SUGCT: variants seen among roughly 807,000 people sequenced by gnomAD.
SUGCT encodes the protein succinyl-CoA:glutarate-CoA transferase.
A neutral mutation model predicts 55.0 loss-of-function variants in SUGCT; 41 were observed. The ratio of observed to expected loss-of-function variants is 0.74; its 90% CI spans 0.58 to 0.97. SUGCT has a LOEUF of 0.97. Among genes scored for constraint, SUGCT ranks in the 50% least tolerant of loss-of-function variants. The probability of loss-of-function intolerance (pLI) is 0.00; values close to 1 mark genes in which losing one functional copy is unlikely to be tolerated. For missense variants in SUGCT, 568 were observed against 547.8 expected (o/e 1.04, Z -0.37); for synonymous variants, 187 against 200.4 (o/e 0.93, Z 0.56).
chr7:40,999,760 T>C, the SUGCT span, among the ~76,000 whole-genome samples: 2 of 152,160 alleles, frequency 1.3e-5, no homozygotes, highest in African/African-American at 4.8e-5. Flanking sequence ...GACTTTTACC[T>C]TTCCAGAACA....
At chr7:40,941,963 T>A in the SUGCT span, among the ~76,000 whole-genome samples, 1 of 152,094 alleles carries the variant, frequency 6.6e-6, no homozygotes, top group East Asian at 1.9e-4. Context: ...AGTCTTTATG[T>A]GTTAGTGAGT....
chr7:40,422,350 A>G lies in SUGCT; in HGVS notation c.817-26937A>G, dbSNP rs552618616. Among the ~76,000 whole-genome samples, 5 of 152,258 alleles carry G rather than the reference A, an allele frequency of 3.3e-5. No homozygotes were observed. In the South Asian group the frequency reaches 6.2e-4, roughly 19 times the overall value. ...GGCAATCACTGCTAAAAGTTACCAT[A>G]TATATTATTTCATTTAATCCTATGG... On this transcript the variant is annotated intron_variant, in intron 9 of 13. Coordinates refer to ENST00000335693, the MANE Select transcript of SUGCT (RefSeq NM_001193313.2).
chr7:40,475,089 C>T (rs1279260362), intron 11 of SUGCT, among the ~76,000 whole-genome samples: 1 of 152,176 alleles, frequency 6.6e-6, no homozygotes, highest in African/African-American at 2.4e-5. Context: ...TACTAAATCA[C>T]CTTTTAAACA....
At chr7:40,137,741 C>G (rs1222834393) in intron 1 of SUGCT, among the ~76,000 whole-genome samples, 1 of 152,070 alleles carries the variant, frequency 6.6e-6, no homozygotes, top group Non-Finnish European at 1.5e-5. Context: ...AGTGCAGTGG[C>G]GCAATCCCAG....
chr7:40,276,646 A>AGTG (rs1189431400), intron 8 of SUGCT, among the ~76,000 whole-genome samples: 4 of 152,180 alleles, frequency 2.6e-5, no homozygotes, highest in African/African-American at 9.7e-5. Flanking sequence ...GCATCTAACT[A>AGTG]GTGGTTCACC....
chr7:40,274,464 CTTT>C (rs764604582), intron 7 of SUGCT, 46 bp from the exon 8 acceptor site: 23 of 1,578,772 alleles, frequency 1.5e-5, no homozygotes, highest in Middle Eastern at 1.7e-4. Flanking sequence ...TCATATGATT[CTTT>C]TAATGTTTAA....
At chr7:40,856,622 T>C (rs1209155600) in intron 13 of SUGCT, among the ~76,000 whole-genome samples, 3 of 152,170 alleles carry the variant, frequency 2.0e-5, no homozygotes, top group Admixed American at 2.0e-4. Flanking sequence ...TTATGGGCTG[T>C]AGGTTAGAAT....
At chr7:40,312,593 A>T (rs7802836) in intron 8 of SUGCT, among the ~76,000 whole-genome samples, 56,641 of 151,974 alleles carry the variant, frequency 0.37, 10,797 homozygotes, top group East Asian at 0.48. Flanking sequence ...TCTAGCTTTG[A>T]CATCTTACAA....
At chr7:40,445,360 C>G (rs924689529) in intron 9 of SUGCT, among the ~76,000 whole-genome samples, 3 of 152,130 alleles carry the variant, frequency 2.0e-5, no homozygotes, top group African/African-American at 4.8e-5. Context: ...TCAGAGAATA[C>G]TATAAACACC....
chr7:40,823,928 C>T (rs73689856), intron 13 of SUGCT, among the ~76,000 whole-genome samples: 1,775 of 152,132 alleles, frequency 0.012, 27 homozygotes, highest in African/African-American at 0.04. Flanking sequence ...TAATAGCTAA[C>T]GTTTAATGAT....
At chr7:40,164,281 C>T (rs1784319974) in intron 1 of SUGCT, among the ~76,000 whole-genome samples, 2 of 152,262 alleles carry the variant, frequency 1.3e-5, no homozygotes, top group South Asian at 2.1e-4. Flanking sequence ...GCACCTTCCA[C>T]CATGCCCAGC....
chr7:40,172,766 A>G (rs1784736855), intron 1 of SUGCT, among the ~76,000 whole-genome samples: 1 of 152,112 alleles, frequency 6.6e-6, no homozygotes, highest in South Asian at 2.1e-4. Flanking sequence ...TGAAAGCAGA[A>G]GCTGGTTCCA....
intron 12 of SUGCT, among the ~76,000 whole-genome samples, chr7:40,510,506 GT>G (rs1792865636): frequency 1.3e-5 from 2 of 151,954 alleles, no homozygotes; most frequent in South Asian, 4.1e-4. Flanking sequence ...AAGAAATCTT[GT>G]TTTTTGGTAT....
chr7:40,879,689 T>G, the SUGCT span, among the ~76,000 whole-genome samples: 1 of 152,202 alleles, frequency 6.6e-6, no homozygotes, highest in Admixed American at 6.5e-5. Flanking sequence ...TTTATTGTGG[T>G]AAAAAATGAC....
At chr7:40,906,363 G>A in the SUGCT span, among the ~76,000 whole-genome samples, 1 of 152,074 alleles carries the variant, frequency 6.6e-6, no homozygotes, top group African/African-American at 2.4e-5. Flanking sequence ...TTGGCCAAAG[G>A]ACTAATAGTG....
At chr7:40,618,127 C>A (rs1355862346) in intron 12 of SUGCT, among the ~76,000 whole-genome samples, 1 of 152,156 alleles carries the variant, frequency 6.6e-6, no homozygotes, top group African/African-American at 2.4e-5. Flanking sequence ...TTGGTTTTGA[C>A]ATTCTTTATT....
chr7:40,370,577 A>AAG (rs922437361), intron 9 of SUGCT, among the ~76,000 whole-genome samples: 3 of 143,124 alleles, frequency 2.1e-5, no homozygotes, highest in African/African-American at 5.1e-5. Flanking sequence ...AGAGAGAGAG[A>AAG]AGAGAGAGAG....
chr7:40,639,585 G>A (rs917370434), intron 12 of SUGCT, among the ~76,000 whole-genome samples: 1 of 151,010 alleles, frequency 6.6e-6, no homozygotes, highest in African/African-American at 2.4e-5. Flanking sequence ...CGCGATCTTG[G>A]CTCATTGCAA....
rs1786178872 is a variant in SUGCT at position 40,403,248 on chromosome 7, T to C, written c.817-46039T>C. ...TTTTGTTGCTTACATGGCACAAAAA[T>C]AAAGAAGTAGGTAAGCTTAGCAACA... On this transcript the variant is annotated intron_variant, in intron 9 of 13. Coordinates refer to ENST00000335693, the MANE Select transcript of SUGCT (RefSeq NM_001193313.2). 2.0e-5 allele frequency among the ~76,000 whole-genome samples: 3 copies of C among 152,178 alleles called. No homozygotes were observed. In the South Asian group the frequency reaches 6.2e-4, roughly 31 times the overall value.
Sources: gnomAD v4.1 joint callset for allele counts (sites outside exome capture counted in the v4.1 genomes callset) on GRCh38, gnomAD v4.1.1 for gene constraint, MANE v1.5 for transcripts, NCBI Gene and HGNC (gene_info 2026-07-23, HGNC 2026-07-21) for gene names.